Variants in PTP4A3 observed in about 807,000 individuals in gnomAD.
PTP4A3 encodes the protein protein tyrosine phosphatase 4A3, also known as protein tyrosine phosphatase type IVA 3.
A neutral mutation model predicts 15.2 loss-of-function variants in PTP4A3; 9 were observed. That is an observed-to-expected ratio of 0.59 (90% confidence interval 0.36 to 1.03). The LOEUF is 1.03. Among genes scored for constraint, PTP4A3 ranks in the 50% least tolerant of loss-of-function variants. The pLI, the probability that PTP4A3 is intolerant of heterozygous loss-of-function variation, is 0.02. For synonymous variants in PTP4A3, 95 were observed against 102.0 expected (o/e 0.93, Z 0.41); for missense variants, 234 against 252.1 (o/e 0.93, Z 0.49).
chr8:141,415,226 G>A (rs965377993), intron 1 of PTP4A3, among the ~76,000 whole-genome samples: 1 of 152,032 alleles, frequency 6.6e-6, no homozygotes, highest in African/African-American at 2.4e-5. Context: ...CTCCAGCGCG[G>A]CAAGGAACGG....
intron 1 of PTP4A3, among the ~76,000 whole-genome samples, chr8:141,414,615 C>T (rs1348297463): frequency 8.0e-6 from 1 of 125,280 alleles, no homozygotes; most frequent in Non-Finnish European, 1.6e-5. Flanking sequence ...GGGAAGAGCC[C>T]TGGACTGGGG....
At chr8:141,419,366 C>T (rs1023037750) in intron 1 of PTP4A3, among the ~76,000 whole-genome samples, 5 of 152,178 alleles carry the variant, frequency 3.3e-5, no homozygotes, top group Non-Finnish European at 5.9e-5. Context: ...AACATGAGCT[C>T]GGCTCCCGTG....
At chr8:141,416,818 A>C (rs1321480093) in intron 1 of PTP4A3, among the ~76,000 whole-genome samples, 1 of 148,566 alleles carries the variant, frequency 6.7e-6, no homozygotes, top group Non-Finnish European at 1.5e-5. Context: ...GCTGATGGTG[A>C]TGTTTTCTGG....
intron 1 of PTP4A3, among the ~76,000 whole-genome samples, chr8:141,417,754 C>T (rs901143203): frequency 4.6e-5 from 7 of 152,118 alleles, no homozygotes; most frequent in South Asian, 2.1e-4. Flanking sequence ...TTCCTCTTCC[C>T]CGCGCCCGCC....
chr8:141,397,586 C>T (rs541017172), intron 1 of PTP4A3, among the ~76,000 whole-genome samples: 81 of 152,318 alleles, frequency 5.3e-4, no homozygotes, highest in African/African-American at 1.6e-3. Flanking sequence ...GTGGGGTGCA[C>T]GTCCCCTGCA....
chr8:141,394,177 C>T (rs1457260433), intron 1 of PTP4A3, among the ~76,000 whole-genome samples: 1 of 152,210 alleles, frequency 6.6e-6, no homozygotes, highest in African/African-American at 2.4e-5. Flanking sequence ...GGGGAGGCCT[C>T]TCCCTGGTTG....
At chr8:141,423,368 C>G (rs1833421626) in intron 2 of PTP4A3, among the ~76,000 whole-genome samples, 1 of 152,192 alleles carries the variant, frequency 6.6e-6, no homozygotes, top group Non-Finnish European at 1.5e-5. Flanking sequence ...AGGGTGAGGC[C>G]TCAGAATATG....
intron 1 of PTP4A3, among the ~76,000 whole-genome samples, chr8:141,393,407 T>A (rs1282688161): frequency 6.6e-6 from 1 of 152,192 alleles, no homozygotes; most frequent in East Asian, 1.9e-4. Flanking sequence ...AGCTGCCCTG[T>A]GTAGGAATTC....
chr8:141,425,002 C>T lies in PTP4A3; in HGVS notation c.106-46C>T, dbSNP rs751291660. The T allele has an allele frequency of 3.3e-6, 5 of 1,530,542 alleles. No homozygotes were observed. Among genetic ancestry groups the T allele is most frequent in the Non-Finnish European group, 3.6e-6 (4 of 1,110,578 alleles). 94.8% of individuals were successfully genotyped at this position (1,530,542 alleles called of 1,614,324 possible). On this transcript the variant is annotated intron_variant, in intron 2 of 5. Coordinates refer to ENST00000521578, the MANE Select transcript of PTP4A3 (RefSeq NM_032611.3). The surrounding 1 kb of genome is among the most constrained non-coding windows in gnomAD (Gnocchi z 4.2). ...GTGAGTGGGTCCTGCCCCCTGAGCCCTGCAGCCCCAGCCCAGCCCTGCCTC... is the reference window on the plus strand; with the variant it reads ...GTGAGTGGGTCCTGCCCCCTGAGCCTTGCAGCCCCAGCCCAGCCCTGCCTC...
intron 1 of PTP4A3, among the ~76,000 whole-genome samples, chr8:141,414,075 T>C (rs1368751871): frequency 6.6e-6 from 1 of 152,184 alleles, no homozygotes; most frequent in Admixed American, 6.5e-5. Flanking sequence ...TGTGTGTGTG[T>C]GTGTGTGTGC....
intron 1 of PTP4A3, among the ~76,000 whole-genome samples, chr8:141,420,292 A>C (rs954185518): frequency 1.3e-5 from 2 of 152,168 alleles, no homozygotes; most frequent in Non-Finnish European, 1.5e-5. Context: ...AGCCAGGGCC[A>C]GCAGTGCGGG....
intron 1 of PTP4A3, among the ~76,000 whole-genome samples, chr8:141,405,482 T>G (rs766874218): frequency 2.0e-5 from 3 of 152,220 alleles, no homozygotes; most frequent in Non-Finnish European, 1.5e-5. Context: ...CTGGGAGTGC[T>G]TGGGTGAGAA....
In PTP4A3 at chr8:141,407,249, C is replaced by A. The variant is rs571926979; in HGVS notation, c.-853-14139C>A. Among the ~76,000 whole-genome samples the A allele has an allele frequency of 3.3e-5, 5 of 152,400 alleles. No individual in the cohort carries two copies. In the South Asian group the frequency reaches 8.3e-4, roughly 25 times the overall value. On this transcript the variant is annotated intron_variant, in intron 1 of 5. Transcript: ENST00000521578. ...CAGTCCCTCTCCTGCCCTCTCCATT[C>A]CTTCACACACGTGGGCACAAAGCTG...
intron 5 of PTP4A3, 93 bp downstream of exon 5, chr8:141,427,917 C>T (rs532411348): frequency 2.1e-5 from 26 of 1,240,180 alleles, no homozygotes; most frequent in Admixed American, 1.8e-4. Context: ...TGTGTGGTTC[C>T]GTCGCTCTGA....
intron 1 of PTP4A3, among the ~76,000 whole-genome samples, chr8:141,401,101 C>T (rs528288520): frequency 5.2e-4 from 79 of 152,280 alleles, no homozygotes; most frequent in Admixed American, 9.1e-4. Context: ...GGCCAGCAGC[C>T]GGAGCTCACC....
chr8:141,425,199 G>GGC lies in PTP4A3; in HGVS notation c.198+60_198+61insCG. 4 of 844,218 alleles carry GGC rather than the reference G, an allele frequency of 4.7e-6. No individual in the cohort carries two copies. Among genetic ancestry groups the GGC allele is most frequent in the Non-Finnish European group, 7.9e-6 (4 of 504,296 alleles). 52.3% of individuals were successfully genotyped at this position (844,218 alleles called of 1,614,324 possible). A position where few individuals can be genotyped will look rare whatever the true frequency, so the allele number is the denominator to read the frequency against. On this transcript the variant is annotated intron_variant, in intron 3 of 5. Coordinates refer to ENST00000521578, the MANE Select transcript of PTP4A3 (RefSeq NM_032611.3). The surrounding 1 kb of genome is among the most constrained non-coding windows in gnomAD (Gnocchi z 4.2). ...CTGCCACCGGGGGAGGGTGGGGCGG[G>GGC]GGGCTCCGGGCCTGCGCAGAGGGTT...
At chr8:141,430,588 T>C (rs1159291024) in intron 5 of PTP4A3, among the ~76,000 whole-genome samples, 3 of 152,142 alleles carry the variant, frequency 2.0e-5, no homozygotes, top group East Asian at 1.9e-4. Context: ...TCCTGGATGG[T>C]GGAGGTGCCC....
At chr8:141,398,703 C>T (rs1832510420) in intron 1 of PTP4A3, among the ~76,000 whole-genome samples, 1 of 152,062 alleles carries the variant, frequency 6.6e-6, no homozygotes, top group Non-Finnish European at 1.5e-5. Flanking sequence ...AGACTCTTGC[C>T]TTGTTCTCCC....
chr8:141,415,624 C>CGGGGGGCAGGGGGCGGGGCG (rs1166996175), intron 1 of PTP4A3, among the ~76,000 whole-genome samples: 15 of 38,426 alleles, frequency 3.9e-4, no homozygotes, highest in African/African-American at 1.3e-3. Flanking sequence ...GCGCGGAGGG[C>CGGGGGGCAGGGGGCGGGGCG]GGGGGGCAGG....
Sources: allele counts gnomAD v4.1 joint callset (sites outside exome capture counted in the v4.1 genomes callset), GRCh38; gene constraint gnomAD v4.1.1; non-coding constraint Gnocchi (gnomAD v3.1); transcripts MANE v1.5; gene names NCBI Gene and HGNC (gene_info 2026-07-23, HGNC 2026-07-21).